Variants in PTPRD observed in about 807,000 individuals in gnomAD.
PTPRD encodes the protein protein tyrosine phosphatase receptor type D.
Under a neutral mutation model 214.5 loss-of-function variants are expected in PTPRD, and 34 were observed. The ratio of observed to expected loss-of-function variants is 0.16; its 90% CI spans 0.12 to 0.21. The LOEUF (loss-of-function observed/expected upper bound fraction) is 0.21. PTPRD is among the 10% of genes least tolerant of loss of function. The pLI is 1.00. For missense variants in PTPRD, 2,545 were observed against 2,398.7 expected (o/e 1.06, Z -1.27); for synonymous variants, 1,128 against 845.7 (o/e 1.33, Z -5.79).
intron 10 of PTPRD, among the ~76,000 whole-genome samples, chr9:9,024,334 C>CTTAGT (rs1169168298): frequency 1.4e-3 from 105 of 72,716 alleles, no homozygotes; most frequent in African/African-American, 4.3e-3. Context: ...ATTGTCGATT[C>CTTAGT]TTTGTTTTTT....
At chr9:9,365,805 C>A (rs552085724) in intron 9 of PTPRD, among the ~76,000 whole-genome samples, 2 of 151,304 alleles carry the variant, frequency 1.3e-5, no homozygotes, top group Non-Finnish European at 3.0e-5. Flanking sequence ...CAACTAAAGG[C>A]CTCATCTCCA....
chr9:10,243,633 A>G (rs1595161868), intron 3 of PTPRD, among the ~76,000 whole-genome samples: 1 of 152,036 alleles, frequency 6.6e-6, no homozygotes, highest in Non-Finnish European at 1.5e-5. Flanking sequence ...ACTTAAAAAA[A>G]GAGATATGTA....
At chr9:8,582,490 AT>A (rs999928168) in intron 14 of PTPRD, among the ~76,000 whole-genome samples, 3 of 152,246 alleles carry the variant, frequency 2.0e-5, no homozygotes, top group African/African-American at 7.2e-5. Context: ...CTGTGAAACT[AT>A]TTTTTTCAAT....
At chr9:9,048,843 T>A (rs527743412) in intron 10 of PTPRD, among the ~76,000 whole-genome samples, 1 of 152,210 alleles carries the variant, frequency 6.6e-6, no homozygotes, top group East Asian at 1.9e-4. Flanking sequence ...AAAGGATAAA[T>A]GCTTGAGGGT....
At chr9:8,725,177 T>G (rs1242311332) in intron 12 of PTPRD, among the ~76,000 whole-genome samples, 1 of 152,158 alleles carries the variant, frequency 6.6e-6, no homozygotes, top group East Asian at 1.9e-4. Flanking sequence ...AAAAAATAAA[T>G]CACTCCCTCA....
intron 10 of PTPRD, among the ~76,000 whole-genome samples, chr9:9,080,802 T>A (rs1196881735): frequency 1.3e-5 from 2 of 152,170 alleles, no homozygotes; most frequent in African/African-American, 4.8e-5. Flanking sequence ...TTTACAATAT[T>A]CTCTGATGGT....
At chr9:10,518,655 C>T (rs1302361475) in intron 2 of PTPRD, among the ~76,000 whole-genome samples, 1 of 151,926 alleles carries the variant, frequency 6.6e-6, no homozygotes, top group Non-Finnish European at 1.5e-5. Context: ...GCCTCAGCCT[C>T]CCAAGTAGCT....
In PTPRD at chr9:8,317,787, G is replaced by T; in HGVS notation, c.*87C>A. ...TAGTTGTTAGCTAGAAGTTAAGAAG[G>T]ACTTCTCAAGTGCCCTGTATGGCTC... On this transcript the variant is annotated 3_prime_UTR_variant, in exon 46 of 46. Coordinates refer to ENST00000381196, the MANE Select transcript of PTPRD (RefSeq NM_002839.4). 8.6e-7 allele frequency: 1 copy of T among 1,160,062 alleles called. No individual in the cohort carries two copies. Among genetic ancestry groups the T allele is most frequent in the Middle Eastern group, 2.0e-4 (1 of 5,022 alleles). The allele number at this position is 1,160,062 out of a possible 1,614,324, so 71.9% of individuals were successfully genotyped here.
intron 8 of PTPRD, among the ~76,000 whole-genome samples, chr9:9,450,058 T>C (rs925117586): frequency 6.6e-6 from 1 of 151,804 alleles, no homozygotes; most frequent in African/African-American, 2.4e-5. Flanking sequence ...GCAAAGGCCA[T>C]TATTTTGTTC....
At chr9:8,612,988 G>A (rs1330180449) in intron 14 of PTPRD, among the ~76,000 whole-genome samples, 1 of 152,046 alleles carries the variant, frequency 6.6e-6, no homozygotes, top group Non-Finnish European at 1.5e-5. Flanking sequence ...AAAAGGAAAG[G>A]ATTATTAATA....
chr9:9,661,535 A>G (rs111963974), intron 7 of PTPRD, among the ~76,000 whole-genome samples: 10 of 151,984 alleles, frequency 6.6e-5, no homozygotes, highest in African/African-American at 2.4e-4. Flanking sequence ...ATTAGACAAT[A>G]TAGAATACTT....
At chr9:8,459,758 G>A (rs1000667870) in intron 33 of PTPRD, among the ~76,000 whole-genome samples, 3 of 152,048 alleles carry the variant, frequency 2.0e-5, no homozygotes, top group Non-Finnish European at 4.4e-5. Flanking sequence ...GGCATAATAA[G>A]ACTGAGATTA....
chr9:10,520,062 T>A (rs1391920561), intron 2 of PTPRD, among the ~76,000 whole-genome samples: 1 of 152,116 alleles, frequency 6.6e-6, no homozygotes, highest in Non-Finnish European at 1.5e-5. Flanking sequence ...AAGAGTCCCA[T>A]ATCCCTCCAT....
rs566752515 is a variant in PTPRD, at chr9:8,823,720, G to C, written c.-103-89774C>G. ...AAAGGAAAGGAAAGGCGGAAGGAAGGAAACCATTTTGTTACAGGAAAGGAG... is the reference window on the plus strand; with the variant it reads ...AAAGGAAAGGAAAGGCGGAAGGAAGCAAACCATTTTGTTACAGGAAAGGAG... On this transcript the variant is annotated intron_variant, in intron 11 of 45. Transcript: ENST00000381196. Among the ~76,000 whole-genome samples the C allele has an allele frequency of 2.2e-4, 33 of 152,220 alleles. No individual in the cohort carries two copies. The South Asian group carries it at 6.4e-3, about 30-fold the overall frequency.
At chr9:9,502,241 A>T (rs1218248416) in intron 8 of PTPRD, among the ~76,000 whole-genome samples, 1 of 151,788 alleles carries the variant, frequency 6.6e-6, no homozygotes, top group Non-Finnish European at 1.5e-5. Context: ...CATAACTGAA[A>T]CTTTTTACCC....
chr9:10,344,100 G>T (rs2097012490), intron 2 of PTPRD, among the ~76,000 whole-genome samples: 1 of 143,822 alleles, frequency 7.0e-6, no homozygotes, highest in Admixed American at 7.4e-5. Flanking sequence ...TGAAGTCCTT[G>T]CCCATGCCTA....
In PTPRD at chr9:9,031,127, G is replaced by A. The variant is rs370400679; in HGVS notation, c.-142-12392C>T. Among the ~76,000 whole-genome samples the A allele has an allele frequency of 1.2e-4, 18 of 152,064 alleles. No homozygotes were observed. The East Asian group carries it at 3.1e-3, about 26-fold the overall frequency. On this transcript the variant is annotated intron_variant, in intron 10 of 45. Transcript: ENST00000381196. ...GTAGAATTGAATGTGGAACTCAAGG[G>A]TGACAGTAAGATTTCATGTGGTGAC...
chr9:8,542,224 G>A (rs549332101), intron 14 of PTPRD, among the ~76,000 whole-genome samples: 84 of 152,326 alleles, frequency 5.5e-4, no homozygotes, highest in Admixed American at 3.7e-3. Context: ...TTGCGGGCAT[G>A]TGTACTGGGA....
chr9:10,388,325 A>G (rs2097967438), intron 2 of PTPRD, among the ~76,000 whole-genome samples: 1 of 151,846 alleles, frequency 6.6e-6, no homozygotes, highest in South Asian at 2.1e-4. Context: ...ATCCTGAGAT[A>G]AAATGATTAA....
Sources: allele counts gnomAD v4.1 joint callset (sites outside exome capture counted in the v4.1 genomes callset), GRCh38; gene constraint gnomAD v4.1.1; transcripts MANE v1.5; gene names NCBI Gene and HGNC (gene_info 2026-07-23, HGNC 2026-07-21).